PSMG2: variants seen among roughly 807,000 people sequenced by gnomAD.
PSMG2 encodes proteasome assembly chaperone 2.
In PSMG2, 21 loss-of-function variants were observed where a neutral mutation model predicts 31.5. The ratio of observed to expected loss-of-function variants is 0.67; its 90% CI spans 0.47 to 0.96. The LOEUF (loss-of-function observed/expected upper bound fraction) is 0.96, where lower values mean the gene tolerates loss of function less well. PSMG2 is among the 40% of genes least tolerant of loss of function. The pLI is 0.00. For synonymous variants in PSMG2, 120 were observed against 110.4 expected (o/e 1.09, Z -0.54); for missense variants, 318 against 321.2 (o/e 0.99, Z 0.08).
intron 2 of PSMG2, among the ~76,000 whole-genome samples, 157 bp from the exon 3 acceptor site, chr18:12,712,544 AG>A (rs2040341303): frequency 6.6e-6 from 1 of 152,230 alleles, no homozygotes; most frequent in Non-Finnish European, 1.5e-5. Flanking sequence ...TACTTCTAAA[AG>A]GTCTTATTTT....
chr18:12,721,788 T>A (rs1448013532), intron 5 of PSMG2, among the ~76,000 whole-genome samples: 2 of 152,126 alleles, frequency 1.3e-5, no homozygotes, highest in East Asian at 1.9e-4. Flanking sequence ...TGATTTGCTT[T>A]TTTTTCTCTT....
intron 1 of PSMG2, chr18:12,673,454 G>T: frequency 6.3e-7 from 1 of 1,589,484 alleles, no homozygotes; most frequent in Middle Eastern, 1.7e-4. Context: ...CGAACTGCCA[G>T]TCGCACTTGG....
intron 1 of PSMG2, among the ~76,000 whole-genome samples, chr18:12,696,991 GA>G (rs1182155928): frequency 6.6e-6 from 1 of 151,918 alleles, no homozygotes; most frequent in African/African-American, 2.4e-5. Context: ...TCATTTTCCA[GA>G]AAAAAACATT....
At chr18:12,698,629 A>G (rs962886431), upstream of PSMG2, among the ~76,000 whole-genome samples, 2 of 152,138 alleles carry the variant, frequency 1.3e-5, no homozygotes, top group Non-Finnish European at 2.9e-5. Flanking sequence ...GTTACATAAC[A>G]TCATCAATCT....
In PSMG2 at chr18:12,709,787, ACCACG is replaced by A. The variant is rs1408010171; in HGVS notation, c.230-2912_230-2908del. ...AGTGCTGGGATTACAGGCGTGAGCCACCACGCCTGGCCTAATTTTTGTATTTTTAG... is the reference window on the plus strand; with the variant it reads ...AGTGCTGGGATTACAGGCGTGAGCCACCTGGCCTAATTTTTGTATTTTTAG... On this transcript the variant is annotated intron_variant, in intron 2 of 6. Transcript: ENST00000317615. Among the ~76,000 whole-genome samples, 6 of 152,066 alleles carry A rather than the reference ACCACG, an allele frequency of 3.9e-5. No homozygotes were observed. The East Asian group carries it at 1.2e-3, about 30-fold the overall frequency.
chr18:12,690,249 A>G (rs2039703111), intron 1 of PSMG2, among the ~76,000 whole-genome samples: 1 of 152,166 alleles, frequency 6.6e-6, no homozygotes, highest in South Asian at 2.1e-4. Context: ...CAAGCTCCCC[A>G]TCTGGACACT....
In PSMG2 at chr18:12,725,436, C is replaced by G; in HGVS notation, c.703-3C>G. The G allele has an allele frequency of 6.4e-7, 1 of 1,567,058 alleles. No individual in the cohort carries two copies. Among genetic ancestry groups the G allele is most frequent in the Non-Finnish European group, 8.8e-7 (1 of 1,142,710 alleles). On this transcript the variant is annotated splice_region_variant and splice_polypyrimidine_tract_variant and intron_variant, in intron 6 of 6. Coordinates refer to ENST00000317615, the MANE Select transcript of PSMG2 (RefSeq NM_020232.5). ...ATTAAAATATTTTGTTCTTCAATTACAGAGCGATGACCCCACAGTATCTGC... is the reference window on the plus strand; with the variant it reads ...ATTAAAATATTTTGTTCTTCAATTAGAGAGCGATGACCCCACAGTATCTGC...
chr18:12,674,526 T>C (rs1451106295), intron 1 of PSMG2: 1 of 1,604,398 alleles, frequency 6.2e-7, no homozygotes, highest in South Asian at 1.1e-5. Context: ...TTCCGTAAAT[T>C]ACACCTTACC....
At chr18:12,716,994 G>T (rs1407372622) in intron 3 of PSMG2, among the ~76,000 whole-genome samples, 1 of 144,130 alleles carries the variant, frequency 6.9e-6, no homozygotes, top group Non-Finnish European at 1.5e-5. Flanking sequence ...ACTCCACCCA[G>T]GCTGGAGTGC....
intron 1 of PSMG2, among the ~76,000 whole-genome samples, chr18:12,704,275 G>A (rs951515392): frequency 6.6e-6 from 1 of 152,126 alleles, no homozygotes; most frequent in Non-Finnish European, 1.5e-5. Context: ...GATTTGGGTT[G>A]TATAATATAT....
At chr18:12,709,725 C>G (rs1029966523) in intron 2 of PSMG2, among the ~76,000 whole-genome samples, 1 of 151,812 alleles carries the variant, frequency 6.6e-6, no homozygotes, top group East Asian at 2.0e-4. Context: ...GTGTTGAACT[C>G]CTGACCTCAG....
At position 12,706,721 on chromosome 18, in the gene PSMG2, G is replaced by T. The variant is rs778783788; in HGVS notation, c.229G>T (p.Val77Leu). The change falls in exon 2 of 7, where the codon GTG (valine) becomes TTG (leucine). Residue 77 changes from valine to leucine, a missense_variant and splice_region_variant. Transcript: ENST00000317615. ...AACAGAACTTAGCATAAATGCTGAAGGTATGTAAGACTTTACCTTGTATTT... is the reference window on the plus strand; with the variant it reads ...AACAGAACTTAGCATAAATGCTGAATGTATGTAAGACTTTACCTTGTATTT... ...NSTELSINAE[V>L]YSLPSRKLVA... 3 of 1,597,800 alleles carry T rather than the reference G, an allele frequency of 1.9e-6. No individual in the cohort carries two copies. Among genetic ancestry groups the T allele is most frequent in the Non-Finnish European group, 2.6e-6 (3 of 1,168,712 alleles).
chr18:12,681,198 C>CA (rs35644207), intron 1 of PSMG2, among the ~76,000 whole-genome samples: 12,649 of 82,724 alleles, frequency 0.15, 698 homozygotes, highest in Non-Finnish European at 0.2. Flanking sequence ...ACTCTGTTTC[C>CA]AAAAAAAAAA....
upstream of PSMG2, among the ~76,000 whole-genome samples, chr18:12,701,844 A>ACC (rs1555648399): frequency 6.6e-6 from 1 of 152,222 alleles, no homozygotes; most frequent in Non-Finnish European, 1.5e-5. Context: ...AGAAACCCTG[A>ACC]TATCTGCCGG....
intron 1 of PSMG2, among the ~76,000 whole-genome samples, chr18:12,670,158 C>G (rs2038907273): frequency 6.6e-6 from 1 of 151,612 alleles, no homozygotes. Context: ...GGTGAAACCC[C>G]TCTCTAATAA....
intron 3 of PSMG2, 60 bp from the exon 4 acceptor site, chr18:12,718,457 T>TA: frequency 1.1e-6 from 1 of 943,272 alleles, no homozygotes; most frequent in Non-Finnish European, 1.6e-6. Flanking sequence ...ATATAGAATG[T>TA]TTGTATGCTC....
At chr18:12,714,013 A>G (rs1021387735) in intron 3 of PSMG2, among the ~76,000 whole-genome samples, 8 of 152,098 alleles carry the variant, frequency 5.3e-5, no homozygotes, top group Middle Eastern at 3.2e-3. Context: ...GGCCTTTCAA[A>G]TGCTGGGATT....
intron 5 of PSMG2, among the ~76,000 whole-genome samples, chr18:12,723,621 A>C (rs918804853): frequency 3.3e-5 from 5 of 152,024 alleles, no homozygotes; most frequent in African/African-American, 1.2e-4. Context: ...CGAACTCCTG[A>C]CCTCAAATGA....
At chr18:12,708,063 C>G (rs2040287217) in intron 2 of PSMG2, among the ~76,000 whole-genome samples, 1 of 152,082 alleles carries the variant, frequency 6.6e-6, no homozygotes, top group African/African-American at 2.4e-5. Context: ...AGGAGGAACG[C>G]TTGAGCTCAG....
Sources: gnomAD v4.1 joint callset for allele counts (sites outside exome capture counted in the v4.1 genomes callset) on GRCh38, gnomAD v4.1.1 for gene constraint, MANE v1.5 for transcripts, NCBI Gene and HGNC (gene_info 2026-07-23, HGNC 2026-07-21) for gene names.